Variants in TSPEAR observed in about 807,000 individuals in gnomAD.
The protein encoded by TSPEAR is thrombospondin-type laminin G domain and EAR repeat-containing protein.
A neutral mutation model predicts 71.6 loss-of-function variants in TSPEAR; 69 were observed. The observed-to-expected ratio is 0.96, with a 90% confidence interval of 0.79 to 1.18. The LOEUF (loss-of-function observed/expected upper bound fraction) is 1.18. Ranked by LOEUF, TSPEAR falls within the 50% of genes most tolerant of loss-of-function variation. The pLI is 0.00. For missense variants in TSPEAR, 971 were observed against 894.9 expected (o/e 1.09, Z -1.09); for synonymous variants, 402 against 387.2 (o/e 1.04, Z -0.45).
intron 1 of TSPEAR, among the ~76,000 whole-genome samples, chr21:44,675,318 C>T (rs974832543): frequency 2.0e-5 from 3 of 152,062 alleles, no homozygotes; most frequent in Admixed American, 1.3e-4. Context: ...GAATGAAGGA[C>T]AGAAAGTATA....
chr21:44,566,832 C>T (rs1223741014), intron 2 of TSPEAR, among the ~76,000 whole-genome samples: 2 of 151,926 alleles, frequency 1.3e-5, no homozygotes, highest in East Asian at 1.9e-4. Context: ...CAAAATTGAC[C>T]CCCTACCTCA....
chr21:44,504,990 G>T, intron 10 of TSPEAR, 109 bp from the exon 11 acceptor site: 1 of 763,802 alleles, frequency 1.3e-6, no homozygotes, highest in Non-Finnish European at 2.3e-6. Context: ...CGGGGCCAAA[G>T]TGGGGAGTGA....
Position 44,558,400 on chromosome 21 carries a change from T to C in TSPEAR, c.303+9385A>G. 1.2e-6 allele frequency: 2 copies of C among 1,612,890 alleles called. No homozygotes were observed. Among genetic ancestry groups the C allele is most frequent in the Non-Finnish European group, 8.5e-7 (1 of 1,179,716 alleles). Reference sequence around the variant, plus strand: ...CAGACGGGCACACAGCAGACTGGCTTGCAGCAGACAGGCACGCAGCAGGCC... The same window carrying C: ...CAGACGGGCACACAGCAGACTGGCTCGCAGCAGACAGGCACGCAGCAGGCC... On this transcript the variant is annotated intron_variant, in intron 2 of 11. Transcript: ENST00000323084.
At chr21:44,518,635 G>A (rs782381763) in intron 9 of TSPEAR, 8 of 470,610 alleles carry the variant, frequency 1.7e-5, no homozygotes, top group Admixed American at 2.4e-5. Flanking sequence ...CAGGGTGCGC[G>A]ACTCTGCTCT....
intron 2 of TSPEAR, among the ~76,000 whole-genome samples, chr21:44,561,177 A>T (rs981689156): frequency 6.6e-6 from 1 of 152,220 alleles, no homozygotes; most frequent in African/African-American, 2.4e-5. Context: ...ACAAAAATAC[A>T]AACGGCCATC....
At chr21:44,669,203 T>C (rs1985935272) in intron 1 of TSPEAR, among the ~76,000 whole-genome samples, 1 of 152,138 alleles carries the variant, frequency 6.6e-6, no homozygotes. Flanking sequence ...GGCGGCTGGA[T>C]CATGAGGTCA....
chr21:44,528,688 C>T (rs1555915288), intron 5 of TSPEAR, 105 bp from the exon 6 acceptor site: 2 of 1,451,540 alleles, frequency 1.4e-6, no homozygotes, highest in Non-Finnish European at 1.8e-6. Flanking sequence ...TCAGCCTCTG[C>T]ATGCGGGCCT....
chr21:44,502,147 G>A (rs1264419652), intron 11 of TSPEAR, among the ~76,000 whole-genome samples: 5 of 152,144 alleles, frequency 3.3e-5, no homozygotes, highest in African/African-American at 9.7e-5. Flanking sequence ...ATAGTGGACC[G>A]CACCACGCAC....
intron 1 of TSPEAR, among the ~76,000 whole-genome samples, chr21:44,652,011 TCTCA>T (rs1984829015): frequency 7.4e-6 from 1 of 134,900 alleles, no homozygotes; most frequent in East Asian, 2.1e-4. Flanking sequence ...TGAAACGGAG[TCTCA>T]CTGTGTCGCC....
At chr21:44,700,806 C>T (rs1555951436) in intron 1 of TSPEAR, among the ~76,000 whole-genome samples, 1 of 152,212 alleles carries the variant, frequency 6.6e-6, no homozygotes, top group Admixed American at 6.5e-5. Flanking sequence ...CAGTGGCTGA[C>T]CTTCAGGAAG....
intron 1 of TSPEAR, chr21:44,580,478 G>A (rs782390390): frequency 1.2e-6 from 2 of 1,613,308 alleles, no homozygotes; most frequent in Non-Finnish European, 1.7e-6. Context: ...CAGGCAGGGG[G>A]CGGTGCCGCA....
chr21:44,641,876 C>T (rs1330670073), intron 1 of TSPEAR, among the ~76,000 whole-genome samples: 1 of 152,162 alleles, frequency 6.6e-6, no homozygotes, highest in East Asian at 1.9e-4. Context: ...CAACAGGGAT[C>T]CGGAAAATTT....
intron 1 of TSPEAR, among the ~76,000 whole-genome samples, chr21:44,672,408 A>C (rs936056756): frequency 1.4e-4 from 22 of 152,082 alleles, no homozygotes; most frequent in Admixed American, 2.0e-4. Context: ...GTCTCTACTA[A>C]AAATACAAAA....
chr21:44,554,322 C>G (rs1234776428), intron 2 of TSPEAR, among the ~76,000 whole-genome samples: 1 of 152,210 alleles, frequency 6.6e-6, no homozygotes, highest in Non-Finnish European at 1.5e-5. Context: ...TCCTGGACTT[C>G]CAGCTTCCAG....
At position 44,697,953 on chromosome 21, in the gene TSPEAR, G is replaced by A. The variant is rs372471704; in HGVS notation, c.82+13480C>T. ...CTGGCCTGCTGAGGCCTCTGCTCAG[G>A]CCAGAAGTCCAGCTGCTGCCAGGCA... On this transcript the variant is annotated intron_variant, in intron 1 of 11. Coordinates refer to ENST00000323084, the MANE Select transcript of TSPEAR (RefSeq NM_144991.3). The A allele has an allele frequency of 2.9e-4, 462 of 1,601,652 alleles. 10 individuals carry two copies. In the South Asian group the frequency reaches 4.6e-3, roughly 16 times the overall value.
chr21:44,501,981 C>T (rs587731889), intron 11 of TSPEAR, among the ~76,000 whole-genome samples: 6 of 152,252 alleles, frequency 3.9e-5, no homozygotes, highest in South Asian at 2.1e-4. Context: ...AGAAAACCAC[C>T]GAGCAATCTA....
chr21:44,570,639 C>T (rs370923032), intron 1 of TSPEAR, among the ~76,000 whole-genome samples: 2 of 152,160 alleles, frequency 1.3e-5, no homozygotes, highest in East Asian at 1.9e-4. Context: ...AGGAGCTTTG[C>T]CTTGAGAAAC....
At chr21:44,693,817 C>T (rs1182934481) in intron 1 of TSPEAR, among the ~76,000 whole-genome samples, 11 of 152,056 alleles carry the variant, frequency 7.2e-5, no homozygotes, top group Middle Eastern at 3.4e-3. Flanking sequence ...ATAAGGAGCA[C>T]CCAAAAGAAC....
At chr21:44,517,206 C>T (rs968634047) in intron 9 of TSPEAR, 3 of 153,866 alleles carry the variant, frequency 1.9e-5, no homozygotes, top group African/African-American at 7.2e-5. Flanking sequence ...CATACCAGTT[C>T]TCATTCCAGA....
Sources: allele counts gnomAD v4.1 joint callset (sites outside exome capture counted in the v4.1 genomes callset), GRCh38; gene constraint gnomAD v4.1.1; transcripts MANE v1.5; gene names NCBI Gene and HGNC (gene_info 2026-07-23, HGNC 2026-07-21).